Variants in NUGGC observed in about 807,000 individuals in gnomAD.
NUGGC encodes the protein nuclear GTPase, germinal center associated, also known as nuclear GTPase SLIP-GC.
A neutral mutation model predicts 92.6 loss-of-function variants in NUGGC; 58 were observed. The ratio of observed to expected loss-of-function variants is 0.63; its 90% confidence interval spans 0.51 to 0.78. NUGGC has a LOEUF of 0.78. Ranked by LOEUF, NUGGC falls within the 30% of genes least tolerant of loss-of-function variation. NUGGC has a pLI of 0.00. For missense variants in NUGGC, 925 were observed against 964.6 expected (o/e 0.96, Z 0.54); for synonymous variants, 376 against 366.4 (o/e 1.03, Z -0.30).
In NUGGC at chr8:28,031,352, A is replaced by G. The variant is rs758588752; in HGVS notation, c.1799T>C (p.Met600Thr). 1 of 1,614,066 alleles carries G rather than the reference A, an allele frequency of 6.2e-7. No homozygotes were observed. The highest frequency in any genetic ancestry group is 8.5e-7 in the Non-Finnish European group (1 of 1,179,884). ...RTGKPTGSAL[M>T]PHIDAFKQSL... ...CTGCTTAAAAGCATCTATGTGAGGC[A>G]TCAGAGCTGAACCAGTGGGCTTCCC... Residue 600 changes from methionine (M) to threonine (T), a missense_variant, in exon 15 of 19, where the codon ATG (methionine) becomes ACG (threonine). Transcript: ENST00000413272.
intron 18 of NUGGC, among the ~76,000 whole-genome samples, chr8:28,025,389 G>A (rs1809231737): frequency 6.6e-6 from 1 of 152,162 alleles, no homozygotes; most frequent in South Asian, 2.1e-4. Flanking sequence ...CAAACTGAGG[G>A]GAGCACCATC....
intron 7 of NUGGC, 51 bp downstream of exon 7, chr8:28,064,471 A>G (rs1810386171): frequency 7.0e-7 from 1 of 1,431,970 alleles, no homozygotes; most frequent in African/African-American, 1.4e-5. Flanking sequence ...TGCTTGAGAA[A>G]GGGTAGAGGA....
chr8:28,053,785 T>C (rs1810066111), intron 10 of NUGGC, among the ~76,000 whole-genome samples: 1 of 152,230 alleles, frequency 6.6e-6, no homozygotes, highest in Non-Finnish European at 1.5e-5. Flanking sequence ...CAGGCACTCA[T>C]ACAATGCATA....
intron 2 of NUGGC, among the ~76,000 whole-genome samples, chr8:28,073,178 CTTTTTTTTT>C (rs34656742): frequency 7.5e-6 from 1 of 132,832 alleles, no homozygotes; most frequent in Non-Finnish European, 1.6e-5. Context: ...ATTTTTTTTT[CTTTTTTTTT>C]TTTTTTCCAG....
Position 28,041,179 on chromosome 8 carries a change from CA to C in NUGGC, c.1482del (p.Phe494LeufsTer44). The C allele has an allele frequency of 1.2e-6, 2 of 1,611,230 alleles. No homozygotes were observed. The highest frequency in any genetic ancestry group is 2.2e-5 in the South Asian group (2 of 90,022). ...TCCAGCAGCTCAACCTTCTCTTCCGCAAATCTCCGCAGGACACTCATGTGCA... is the reference window on the plus strand; with the variant it reads ...TCCAGCAGCTCAACCTTCTCTTCCGCAATCTCCGCAGGACACTCATGTGCA... ...EHLHMSVLRR[F>X]AEEKVELLEK... On this transcript the variant is annotated frameshift_variant, in exon 13 of 19. Coordinates refer to ENST00000413272, the MANE Select transcript of NUGGC (RefSeq NM_001010906.2). LOFTEE classifies it high-confidence loss of function.
At chr8:28,025,318 A>G (rs1809229484) in intron 18 of NUGGC, among the ~76,000 whole-genome samples, 1 of 152,202 alleles carries the variant, frequency 6.6e-6, no homozygotes, top group Non-Finnish European at 1.5e-5. Flanking sequence ...CATGATGTAT[A>G]TTTGCTGTCG....
chr8:28,080,300 G>A (rs1369626554), intron 1 of NUGGC, among the ~76,000 whole-genome samples: 2 of 152,178 alleles, frequency 1.3e-5, no homozygotes, highest in African/African-American at 4.8e-5. Context: ...GAGAGAGAGA[G>A]AGACTATCAG....
rs148486970 is a variant in NUGGC, at chr8:28,058,906, A to AT, written c.1098-631dup. Among the ~76,000 whole-genome samples the AT allele has an allele frequency of 6.1e-3, 928 of 152,102 alleles. 12 individuals carry two copies. Among genetic ancestry groups the AT allele is most frequent in the African/African-American group, 0.021 (877 of 41,472 alleles). On this transcript the variant is annotated intron_variant, in intron 8 of 18. Coordinates refer to ENST00000413272, the MANE Select transcript of NUGGC (RefSeq NM_001010906.2). ...TTTTTTAGTACAGATGGGTTTCACCATGTTGGCCAGGATGGTCTCAATCTC... is the reference window on the plus strand; with the variant it reads ...TTTTTTAGTACAGATGGGTTTCACCATTGTTGGCCAGGATGGTCTCAATCTC...
chr8:28,060,512 GCT>G lies in NUGGC; in HGVS notation c.1009_1010del (p.Ser337HisfsTer10). 1 of 1,613,850 alleles carries G rather than the reference GCT, an allele frequency of 6.2e-7. No individual in the cohort carries two copies. The highest frequency in any genetic ancestry group is 8.5e-7 in the Non-Finnish European group (1 of 1,179,826). On this transcript the variant is annotated frameshift_variant, in exon 8 of 19. Coordinates refer to ENST00000413272, the MANE Select transcript of NUGGC (RefSeq NM_001010906.2). LOFTEE classifies it high-confidence loss of function. ...GQAHEDLLNE[S>X]IKACQRGFCR... is the part of the protein sequence containing the mutation. The stretch of plus-strand genomic sequence containing the variant: ...AGAAGCCCCGCTGGCAGGCTTTGAT[GCT>G]CTCATTCAGAAGGTCTTCGTGGGCT...
chr8:28,024,350 T>G (rs1270135377), intron 18 of NUGGC, among the ~76,000 whole-genome samples: 8 of 152,050 alleles, frequency 5.3e-5, no homozygotes, highest in Admixed American at 5.2e-4. Flanking sequence ...CGGCCAAGCC[T>G]TGGTTGGGCC....
intron 7 of NUGGC, among the ~76,000 whole-genome samples, chr8:28,061,505 A>G (rs1810304537): frequency 6.6e-6 from 1 of 152,230 alleles, no homozygotes; most frequent in African/African-American, 2.4e-5. Context: ...TGACTTGAAA[A>G]TTAAATCATC....
intron 2 of NUGGC, among the ~76,000 whole-genome samples, chr8:28,073,997 C>T (rs909998110): frequency 1.3e-5 from 2 of 152,016 alleles, no homozygotes; most frequent in African/African-American, 4.8e-5. Context: ...TGGGATTTCA[C>T]CATGTTGGTC....
intron 10 of NUGGC, among the ~76,000 whole-genome samples, chr8:28,052,600 T>A (rs1810034709): frequency 6.6e-6 from 1 of 152,168 alleles, no homozygotes; most frequent in South Asian, 2.1e-4. Flanking sequence ...CTGTACCAGA[T>A]CCTTCCTGCA....
intron 1 of NUGGC, among the ~76,000 whole-genome samples, chr8:28,076,183 A>G (rs1381379575): frequency 6.6e-6 from 1 of 152,226 alleles, no homozygotes; most frequent in Non-Finnish European, 1.5e-5. Flanking sequence ...ATTTCTATCA[A>G]GAAGGGCAAT....
In NUGGC at chr8:28,023,388, T is replaced by C; in HGVS notation, c.2320A>G (p.Arg774Gly). ...LREVAENARL[R>G]KGMQEFLLRA... is the part of the protein sequence containing the mutation. The stretch of plus-strand genomic sequence containing the variant: ...AGGAGGAATTCTTGCATGCCCTTCC[T>C]CAGCCGTGCATTCTCCGCGACCTCC... Residue 774 changes from arginine (R) to glycine (G), a missense_variant, in exon 19 of 19, where the codon AGG becomes GGG. Transcript: ENST00000413272. The C allele has an allele frequency of 6.2e-7, 1 of 1,614,024 alleles. No individual in the cohort carries two copies. Among genetic ancestry groups the C allele is most frequent in the Non-Finnish European group, 8.5e-7 (1 of 1,179,890 alleles).
intron 13 of NUGGC, among the ~76,000 whole-genome samples, chr8:28,035,927 G>C (rs1424120545): frequency 6.6e-6 from 1 of 152,200 alleles, no homozygotes. Flanking sequence ...CTGTCACCCA[G>C]GCTGGAGTGC....
chr8:28,029,663 C>G (rs571596287), intron 16 of NUGGC, among the ~76,000 whole-genome samples: 2 of 152,078 alleles, frequency 1.3e-5, no homozygotes, highest in Non-Finnish European at 2.9e-5. Flanking sequence ...GCACGAGAAT[C>G]GCTTCAACCC....
At chr8:28,068,942 T>C (rs1161245909) in intron 4 of NUGGC, among the ~76,000 whole-genome samples, 1 of 152,170 alleles carries the variant, frequency 6.6e-6, no homozygotes, top group Non-Finnish European at 1.5e-5. Flanking sequence ...TTTTGCCATA[T>C]TGCTCAGGCT....
At chr8:28,054,671 C>T (rs1810088144) in intron 10 of NUGGC, among the ~76,000 whole-genome samples, 1 of 152,162 alleles carries the variant, frequency 6.6e-6, no homozygotes, top group African/African-American at 2.4e-5. Context: ...ACACAGCAGC[C>T]TGTGTGAACG....
Sources: allele counts gnomAD v4.1 joint callset (sites outside exome capture counted in the v4.1 genomes callset), GRCh38; gene constraint gnomAD v4.1.1; transcripts MANE v1.5; gene names NCBI Gene and HGNC (gene_info 2026-07-23, HGNC 2026-07-21).